The following TNRC6A variants were observed in gnomAD, a reference collection of about 807,000 sequenced individuals.
TNRC6A encodes trinucleotide repeat containing adaptor 6A.
Under a neutral mutation model 221.2 loss-of-function variants are expected in TNRC6A, and 44 were observed. The ratio of observed to expected loss-of-function variants is 0.20; its 90% confidence interval spans 0.16 to 0.26. The LOEUF is 0.26. Among genes scored for constraint, TNRC6A ranks in the 10% least tolerant of loss-of-function variants. The pLI is 1.00. For missense variants in TNRC6A, 2,199 were observed against 2,404.4 expected (o/e 0.91, Z 1.79); for synonymous variants, 847 against 838.5 (o/e 1.01, Z -0.18).
chr16:24,807,052 G>A (rs963598449), intron 17 of TNRC6A, among the ~76,000 whole-genome samples: 3 of 150,682 alleles, frequency 2.0e-5, no homozygotes, highest in African/African-American at 7.3e-5. Context: ...GTCACCCAGG[G>A]TGGAGTGCAG....
At chr16:24,639,404 G>A (rs72768610) in intron 1 of TNRC6A, among the ~76,000 whole-genome samples, 5 of 152,098 alleles carry the variant, frequency 3.3e-5, no homozygotes, top group Non-Finnish European at 7.4e-5. Context: ...GACGTAGGAG[G>A]ATCTCTTGAA....
chr16:24,666,668 A>T (rs2040604), intron 2 of TNRC6A, among the ~76,000 whole-genome samples: 3,854 of 63,030 alleles, frequency 0.061, 203 homozygotes, highest in African/African-American at 0.14. Context: ...AAAAAAAAAA[A>T]ATATATATAT....
At chr16:24,713,456 ATATAT>A (rs2056250626) in intron 2 of TNRC6A, among the ~76,000 whole-genome samples, 1 of 53,614 alleles carries the variant, frequency 1.9e-5, no homozygotes, top group African/African-American at 7.9e-5. Flanking sequence ...AAACAAAAAA[ATATAT>A]ATATATATAT....
At chr16:24,736,767 G>A (rs1195045539) in intron 2 of TNRC6A, among the ~76,000 whole-genome samples, 2 of 152,154 alleles carry the variant, frequency 1.3e-5, no homozygotes, top group East Asian at 3.8e-4. Context: ...CTGACTTGGT[G>A]TTTCTTTCAT....
intron 1 of TNRC6A, among the ~76,000 whole-genome samples, chr16:24,622,182 G>T (rs953094779): frequency 6.6e-6 from 1 of 152,062 alleles, no homozygotes; most frequent in Non-Finnish European, 1.5e-5. Context: ...CACTTTGAGA[G>T]GCCAAGGTGG....
intron 11 of TNRC6A, 117 bp downstream of exon 11, chr16:24,798,083 A>G: frequency 1.3e-6 from 1 of 753,208 alleles, no homozygotes; most frequent in Non-Finnish European, 2.1e-6. Flanking sequence ...GCTCTCCAAT[A>G]GACGTACACA....
intron 2 of TNRC6A, among the ~76,000 whole-genome samples, chr16:24,699,743 C>T (rs2055932835): frequency 1.3e-5 from 2 of 150,412 alleles, no homozygotes; most frequent in Admixed American, 6.7e-5. Context: ...AAAAAAGCTT[C>T]TGAGAAAATA....
rs2058056185 is a variant in TNRC6A, at chr16:24,789,737, C to T, written c.1095C>T (p.Ser365=). The change falls in exon 6 of 25, where the codon AGC becomes AGT. Residue 365 remains serine, a synonymous_variant. Transcript: ENST00000395799. ...GLNPSTLNSA[S]NHGAWPVLEN... is the part of the protein sequence containing the mutation. The stretch of plus-strand genomic sequence containing the variant: ...ATCCAAGCACTTTGAATTCAGCTAG[C>T]AACCATGGTGCCTGGCCAGTATTAG... 1 of 1,614,078 alleles carries T rather than the reference C, an allele frequency of 6.2e-7. No individual in the cohort carries two copies. Among genetic ancestry groups the T allele is most frequent in the African/African-American group, 1.3e-5 (1 of 74,940 alleles).
chr16:24,759,436 A>G (rs536866475), intron 4 of TNRC6A, among the ~76,000 whole-genome samples: 20 of 152,322 alleles, frequency 1.3e-4, no homozygotes, highest in African/African-American at 4.6e-4. Flanking sequence ...GTACATGGAA[A>G]GTATTGGTTG....
intron 2 of TNRC6A, among the ~76,000 whole-genome samples, chr16:24,653,768 G>C (rs77066861): frequency 8.0e-6 from 1 of 125,714 alleles, no homozygotes; most frequent in East Asian, 3.0e-4. Flanking sequence ...GTGAGAGAGC[G>C]AGACTCTATC....
chr16:24,643,919 A>G (rs1486220612), intron 2 of TNRC6A, among the ~76,000 whole-genome samples: 2 of 152,082 alleles, frequency 1.3e-5, no homozygotes, highest in Admixed American at 6.6e-5. Flanking sequence ...TTCAGCTTCC[A>G]TAGTGGATGA....
chr16:24,709,411 C>A (rs1243306048), intron 2 of TNRC6A, among the ~76,000 whole-genome samples: 1 of 152,182 alleles, frequency 6.6e-6, no homozygotes, highest in East Asian at 1.9e-4. Context: ...TGTGGTTTTA[C>A]TAATTTACAT....
At chr16:24,742,800 G>C (rs955831828) in intron 2 of TNRC6A, among the ~76,000 whole-genome samples, 1 of 152,102 alleles carries the variant, frequency 6.6e-6, no homozygotes, top group African/African-American at 2.4e-5. Flanking sequence ...GCAGGTACCT[G>C]TAGTCCCAGC....
chr16:24,769,468 C>CAA (rs35988161), intron 4 of TNRC6A, among the ~76,000 whole-genome samples: 10 of 101,346 alleles, frequency 9.9e-5, no homozygotes, highest in African/African-American at 2.1e-4. Flanking sequence ...ACAGTATGAC[C>CAA]AAAAAAAAAA....
At chr16:24,781,000 G>A (rs1596692291) in intron 5 of TNRC6A, among the ~76,000 whole-genome samples, 1 of 136,164 alleles carries the variant, frequency 7.3e-6, no homozygotes, top group South Asian at 2.5e-4. Context: ...AACAAACTCA[G>A]ATCTTCTCTA....
At position 24,791,482 on chromosome 16, in the gene TNRC6A, A is replaced by G; in HGVS notation, c.2840A>G (p.Asn947Ser). ...AAGCCAGTCAGCTCTCCAGACTGGA[A>G]CAAGCAACAAGACATTGTTGGATCT... ...SSKPVSSPDW[N>S]KQQDIVGSWG... The change falls in exon 6 of 25, where the codon AAC becomes AGC. Residue 947 changes from asparagine to serine, a missense_variant. By Grantham distance (46) the Asn-to-Ser change is conservative. Transcript: ENST00000395799. The G allele has an allele frequency of 6.5e-7, 1 of 1,531,590 alleles. No individual in the cohort carries two copies. Among genetic ancestry groups the G allele is most frequent in the Non-Finnish European group, 8.7e-7 (1 of 1,143,248 alleles). The allele number at this position is 1,531,590 out of a possible 1,614,324, so 94.9% of individuals were successfully genotyped here. A position where few individuals can be genotyped will look rare whatever the true frequency, so the allele number is the denominator to read the frequency against.
chr16:24,711,347 T>A (rs1444201925), intron 2 of TNRC6A, among the ~76,000 whole-genome samples: 12 of 152,120 alleles, frequency 7.9e-5, no homozygotes, highest in Non-Finnish European at 1.5e-4. Flanking sequence ...TTGAGTCACA[T>A]ATTTAAAGTG....
chr16:24,649,383 A>G (rs1596593304), intron 2 of TNRC6A, among the ~76,000 whole-genome samples: 1 of 152,074 alleles, frequency 6.6e-6, no homozygotes, highest in African/African-American at 2.4e-5. Flanking sequence ...ATCATAGCTC[A>G]CTGAAACCTC....
At chr16:24,735,021 C>T (rs567695293) in intron 2 of TNRC6A, among the ~76,000 whole-genome samples, 6 of 152,202 alleles carry the variant, frequency 3.9e-5, no homozygotes, top group East Asian at 1.9e-4. Context: ...GTGGCTCACA[C>T]GGGTAATCCC....
Sources: gnomAD v4.1 joint callset for allele counts (sites outside exome capture counted in the v4.1 genomes callset) on GRCh38, gnomAD v4.1.1 for gene constraint, MANE v1.5 for transcripts, NCBI Gene and HGNC (gene_info 2026-07-23, HGNC 2026-07-21) for gene names.